Variants in BACH2 observed in about 807,000 individuals in gnomAD.
BACH2 encodes the protein transcription regulator protein BACH2.
Under a neutral mutation model 61.8 loss-of-function variants are expected in BACH2, and 5 were observed. The ratio of observed to expected loss-of-function variants is 0.08; its 90% CI spans 0.04 to 0.17. The LOEUF is 0.17. BACH2 is among the 10% of genes least tolerant of loss of function. BACH2 has a pLI of 1.00. For synonymous variants in BACH2, 446 were observed against 440.1 expected (o/e 1.01, Z -0.17); for missense variants, 824 against 1,091.1 (o/e 0.76, Z 3.45).
At chr6:90,052,426 CTATT>C (rs1156320563) in intron 5 of BACH2, among the ~76,000 whole-genome samples, 55 of 151,758 alleles carry the variant, frequency 3.6e-4, no homozygotes, top group African/African-American at 1.2e-3. Context: ...ATCTATCTAT[CTATT>C]TATTTTTGAG....
chr6:90,267,276 C>G (rs2127878981), intron 2 of BACH2, among the ~76,000 whole-genome samples: 1 of 152,240 alleles, frequency 6.6e-6, no homozygotes, highest in East Asian at 1.9e-4. Context: ...TTTGTTGCCC[C>G]CAAATTGAAT....
intron 6 of BACH2, among the ~76,000 whole-genome samples, chr6:89,983,184 G>T (rs1280576737): frequency 6.6e-6 from 1 of 152,198 alleles, no homozygotes; most frequent in Non-Finnish European, 1.5e-5. Context: ...TCTCCTGAAA[G>T]GAGTATATGG....
intron 5 of BACH2, among the ~76,000 whole-genome samples, chr6:90,031,344 T>A (rs1328221482): frequency 1.3e-5 from 2 of 152,100 alleles, no homozygotes; most frequent in Non-Finnish European, 2.9e-5. Flanking sequence ...GTGTTGGAAG[T>A]TCTGGCCAGG....
chr6:90,006,635 A>G (rs1777421307), intron 6 of BACH2, among the ~76,000 whole-genome samples: 2 of 152,072 alleles, frequency 1.3e-5, no homozygotes, highest in Admixed American at 1.3e-4. Flanking sequence ...TATTTTTTTG[A>G]GACACGTTCT....
chr6:90,119,412 T>C (rs1028990067), intron 4 of BACH2, among the ~76,000 whole-genome samples: 1 of 152,190 alleles, frequency 6.6e-6, no homozygotes, highest in African/African-American at 2.4e-5. Flanking sequence ...CACACTAATA[T>C]AATGTTGAGA....
chr6:90,094,301 T>TC (rs1782294049), intron 4 of BACH2, among the ~76,000 whole-genome samples: 1 of 152,202 alleles, frequency 6.6e-6, no homozygotes, highest in African/African-American at 2.4e-5. Context: ...AACTCTTAGC[T>TC]AGGATTTTCT....
rs565970953 is a variant in BACH2 at position 90,117,626 on chromosome 6, C to A, written c.-161-28517G>T. On this transcript the variant is annotated intron_variant, in intron 4 of 8. Coordinates refer to ENST00000257749, the MANE Select transcript of BACH2 (RefSeq NM_021813.4). ...GCATCACTGAGCCCTAGCACCTAGACTGCTACCTAAGACACAACAGGTGCT... is the reference window on the plus strand; with the variant it reads ...GCATCACTGAGCCCTAGCACCTAGAATGCTACCTAAGACACAACAGGTGCT... Among the ~76,000 whole-genome samples, 235 of 152,266 alleles carry A rather than the reference C, an allele frequency of 1.5e-3. 1 individual carries two copies. Among genetic ancestry groups the A allele is most frequent in the African/African-American group, 5.3e-3 (221 of 41,550 alleles).
intron 4 of BACH2, among the ~76,000 whole-genome samples, chr6:90,194,925 G>A (rs1172988058): frequency 6.6e-6 from 1 of 152,154 alleles, no homozygotes; most frequent in African/African-American, 2.4e-5. Context: ...GAGAAAAACT[G>A]TAGTAAAGAA....
chr6:89,971,790 A>T (rs1369979293), intron 6 of BACH2, among the ~76,000 whole-genome samples: 2 of 152,124 alleles, frequency 1.3e-5, no homozygotes, highest in Non-Finnish European at 2.9e-5. Context: ...ATCTCATGAG[A>T]CTTATTCACT....
intron 8 of BACH2, 59 bp downstream of exon 8, chr6:89,938,085 T>C: frequency 6.6e-7 from 1 of 1,504,484 alleles, no homozygotes. Context: ...TCATTGCTGT[T>C]ACTTTACATT....
chr6:90,292,107 C>A (rs2127893976), intron 1 of BACH2, among the ~76,000 whole-genome samples: 1 of 152,312 alleles, frequency 6.6e-6, no homozygotes, highest in South Asian at 2.1e-4. Flanking sequence ...CTACACCATG[C>A]CCAGTCATTG....
chr6:90,119,039 T>C (rs1160722756), intron 4 of BACH2, among the ~76,000 whole-genome samples: 2 of 152,226 alleles, frequency 1.3e-5, no homozygotes, highest in Admixed American at 1.3e-4. Context: ...ATGTTCAGAA[T>C]ATTTTACCTA....
chr6:90,177,231 T>G (rs998812404), intron 4 of BACH2, among the ~76,000 whole-genome samples: 1 of 152,158 alleles, frequency 6.6e-6, no homozygotes, highest in Non-Finnish European at 1.5e-5. Context: ...GCACACTATT[T>G]TATTCACATG....
intron 6 of BACH2, among the ~76,000 whole-genome samples, chr6:90,006,277 T>C (rs555587877): frequency 3.9e-5 from 6 of 152,342 alleles, no homozygotes; most frequent in African/African-American, 1.2e-4. Context: ...GGATAAGGGC[T>C]GTGCTGAGAA....
intron 5 of BACH2, among the ~76,000 whole-genome samples, chr6:90,014,462 ATATATATTTTTTTT>A (rs1244600769): frequency 2.7e-3 from 179 of 65,122 alleles, no homozygotes; most frequent in African/African-American, 9.8e-3. Context: ...ATATATATAT[ATATATATTTTTTTT>A]TTTTTTTTTT....
At chr6:90,287,232 C>G (rs1162203917) in intron 1 of BACH2, among the ~76,000 whole-genome samples, 1 of 152,218 alleles carries the variant, frequency 6.6e-6, no homozygotes, top group East Asian at 1.9e-4. Context: ...TCAACCAACT[C>G]TCCTAATGTC....
intron 4 of BACH2, among the ~76,000 whole-genome samples, chr6:90,128,882 A>G (rs1490216155): frequency 6.6e-6 from 1 of 152,230 alleles, no homozygotes; most frequent in Non-Finnish European, 1.5e-5. Context: ...CTATGCAGCC[A>G]TAAAAAATGA....
intron 4 of BACH2, among the ~76,000 whole-genome samples, chr6:90,089,518 G>A (rs1782072919): frequency 6.6e-6 from 1 of 152,072 alleles, no homozygotes; most frequent in Admixed American, 6.6e-5. Context: ...AGAGATTTGG[G>A]AAGCAAATGA....
chr6:90,211,451 C>T (rs974929472), intron 3 of BACH2, among the ~76,000 whole-genome samples: 1 of 152,122 alleles, frequency 6.6e-6, no homozygotes, highest in Non-Finnish European at 1.5e-5. Context: ...TATTTATTTA[C>T]CATCAACCTC....
Sources: gnomAD v4.1 joint callset for allele counts (sites outside exome capture counted in the v4.1 genomes callset) on GRCh38, gnomAD v4.1.1 for gene constraint, MANE v1.5 for transcripts, NCBI Gene and HGNC (gene_info 2026-07-23, HGNC 2026-07-21) for gene names.